Variants in LRRC28 observed in about 807,000 individuals in gnomAD.
LRRC28 encodes leucine rich repeat containing 28.
A neutral mutation model predicts 45.7 loss-of-function variants in LRRC28; 39 were observed. The ratio of observed to expected loss-of-function variants is 0.85; its 90% confidence interval spans 0.66 to 1.12. The LOEUF is 1.12. LRRC28 is among the 50% of genes most tolerant of loss of function. The pLI is 0.00. For synonymous variants in LRRC28, 206 were observed against 178.8 expected (o/e 1.15, Z -1.22); for missense variants, 435 against 438.5 (o/e 0.99, Z 0.07).
At chr15:99,304,268 A>G (rs1331957551) in intron 5 of LRRC28, among the ~76,000 whole-genome samples, 2 of 151,978 alleles carry the variant, frequency 1.3e-5, no homozygotes, top group African/African-American at 4.8e-5. Flanking sequence ...ACTTTTGTCA[A>G]CCCCTGTGAT....
intron 9 of LRRC28, among the ~76,000 whole-genome samples, chr15:99,377,360 G>T (rs1957671521): frequency 6.6e-6 from 1 of 152,158 alleles, no homozygotes; most frequent in South Asian, 2.1e-4. Flanking sequence ...AGAAGTGTCT[G>T]TTCATATCCT....
chr15:99,310,940 T>G (rs1955384448), intron 5 of LRRC28, among the ~76,000 whole-genome samples: 1 of 152,182 alleles, frequency 6.6e-6, no homozygotes, highest in Admixed American at 6.5e-5. Context: ...TTTGACATTT[T>G]CAGCAATATA....
intron 9 of LRRC28, among the ~76,000 whole-genome samples, chr15:99,383,816 A>C (rs1245401726): frequency 1.3e-5 from 2 of 152,036 alleles, no homozygotes; most frequent in African/African-American, 4.8e-5. Flanking sequence ...CTGCATTCCC[A>C]TTTATCCTCC....
chr15:99,288,628 C>A (rs948940222), intron 5 of LRRC28, among the ~76,000 whole-genome samples: 1 of 152,046 alleles, frequency 6.6e-6, no homozygotes. Flanking sequence ...GATCCACCTG[C>A]CTTGGCCTCC....
intron 5 of LRRC28, among the ~76,000 whole-genome samples, chr15:99,295,119 G>A (rs1053625194): frequency 1.3e-5 from 2 of 152,154 alleles, no homozygotes; most frequent in Non-Finnish European, 2.9e-5. Context: ...AGGCATGTCT[G>A]GTGTGAGTTA....
chr15:99,287,241 T>C lies in LRRC28; in HGVS notation c.210-16T>C. ...ACTTAATGATAATGGCTGTTTTTTT[T>C]CTTTTTCCTTCCTAGATACCTGCAC... On this transcript the variant is annotated splice_polypyrimidine_tract_variant and intron_variant, in intron 3 of 9. Coordinates refer to ENST00000301981, the MANE Select transcript of LRRC28 (RefSeq NM_144598.5). 6.4e-7 allele frequency: 1 copy of C among 1,569,870 alleles called. No homozygotes were observed.
At chr15:99,310,546 G>T (rs1254525266) in intron 5 of LRRC28, among the ~76,000 whole-genome samples, 1 of 152,190 alleles carries the variant, frequency 6.6e-6, no homozygotes, top group Non-Finnish European at 1.5e-5. Flanking sequence ...TTGGAAGGGT[G>T]TAACCCTCTC....
chr15:99,297,033 T>C (rs1056374329), intron 5 of LRRC28, among the ~76,000 whole-genome samples: 1 of 151,896 alleles, frequency 6.6e-6, no homozygotes, highest in African/African-American at 2.4e-5. Flanking sequence ...CAAAAATAAT[T>C]AGCCGGGTGT....
intron 2 of LRRC28, among the ~76,000 whole-genome samples, chr15:99,275,447 T>C (rs1472898721): frequency 6.6e-6 from 1 of 152,232 alleles, no homozygotes; most frequent in Non-Finnish European, 1.5e-5. Flanking sequence ...CCTGTTCATT[T>C]GGAGCTTAGT....
At chr15:99,319,959 C>T (rs572646597) in intron 5 of LRRC28, among the ~76,000 whole-genome samples, 201 of 152,064 alleles carry the variant, frequency 1.3e-3, no homozygotes, top group Non-Finnish European at 1.8e-3. Context: ...GCCGCCACCA[C>T]GCCCAGCTAA....
At chr15:99,255,843 T>C in intron 1 of LRRC28, 55 bp from the exon 2 acceptor site, 1 of 1,152,050 alleles carries the variant, frequency 8.7e-7, no homozygotes, top group Admixed American at 2.7e-5. Context: ...CTGGTTTATA[T>C]GGCAATTCTT....
At chr15:99,320,395 A>T (rs1297949424) in intron 5 of LRRC28, among the ~76,000 whole-genome samples, 4 of 152,188 alleles carry the variant, frequency 2.6e-5, no homozygotes, top group Non-Finnish European at 4.4e-5. Flanking sequence ...CTATACTGGC[A>T]GACCCTAAGT....
chr15:99,272,793 G>C (rs906774282), intron 2 of LRRC28, among the ~76,000 whole-genome samples: 1 of 152,148 alleles, frequency 6.6e-6, no homozygotes, highest in Admixed American at 6.5e-5. Context: ...TACATGTTAT[G>C]TTTATCTGAT....
chr15:99,377,619 T>C (rs1428746769), intron 9 of LRRC28, among the ~76,000 whole-genome samples: 1 of 152,188 alleles, frequency 6.6e-6, no homozygotes, highest in Non-Finnish European at 1.5e-5. Context: ...TCCTTGCCCA[T>C]GCCTATGTCC....
chr15:99,263,045 C>T (rs1234128239), intron 2 of LRRC28, among the ~76,000 whole-genome samples: 1 of 151,366 alleles, frequency 6.6e-6, no homozygotes, highest in African/African-American at 2.4e-5. Flanking sequence ...TGCAGTGGCT[C>T]ATGCCTATAA....
intron 9 of LRRC28, among the ~76,000 whole-genome samples, chr15:99,375,121 A>G (rs1957590860): frequency 6.6e-6 from 1 of 152,190 alleles, no homozygotes; most frequent in African/African-American, 2.4e-5. Flanking sequence ...GGTTTTTGGT[A>G]TGTTCTCTTT....
intron 7 of LRRC28, among the ~76,000 whole-genome samples, chr15:99,360,840 C>A (rs1301195205): frequency 6.6e-6 from 1 of 152,122 alleles, no homozygotes; most frequent in East Asian, 1.9e-4. Context: ...GAATATTTTC[C>A]CCACAAGTTT....
intron 3 of LRRC28, among the ~76,000 whole-genome samples, chr15:99,284,368 C>T (rs2081898566): frequency 6.6e-6 from 1 of 152,044 alleles, no homozygotes; most frequent in South Asian, 2.1e-4. Context: ...AAAAAATCTA[C>T]ATTAAAACCC....
At chr15:99,382,353 G>A (rs753023711) in intron 9 of LRRC28, among the ~76,000 whole-genome samples, 6 of 152,204 alleles carry the variant, frequency 3.9e-5, no homozygotes, top group African/African-American at 4.8e-5. Flanking sequence ...TAATCTTCTG[G>A]TGTGCCGTTT....
Sources: allele counts gnomAD v4.1 joint callset (sites outside exome capture counted in the v4.1 genomes callset), GRCh38; gene constraint gnomAD v4.1.1; transcripts MANE v1.5; gene names NCBI Gene and HGNC (gene_info 2026-07-23, HGNC 2026-07-21).